Variants in PTK7 observed in about 807,000 individuals in gnomAD.
PTK7 encodes inactive tyrosine-protein kinase 7.
A neutral mutation model predicts 116.6 loss-of-function variants in PTK7; 39 were observed. The observed-to-expected ratio is 0.33, with a 90% CI of 0.26 to 0.44. The LOEUF (loss-of-function observed/expected upper bound fraction) is 0.44, where lower values mean the gene tolerates loss of function less well. Ranked by LOEUF, PTK7 falls within the 20% of genes least tolerant of loss-of-function variation. PTK7 has a pLI of 1.00. For missense variants in PTK7, 1,169 were observed against 1,425.6 expected, an observed-to-expected ratio of 0.82 and a Z score of 2.90; for synonymous variants, 546 against 563.6, an observed-to-expected ratio of 0.97 and a Z score of 0.44.
At chr6:43,157,378 T>TTC (rs1771561944) in intron 17 of PTK7, among the ~76,000 whole-genome samples, 9 of 79,806 alleles carry the variant, frequency 1.1e-4, no homozygotes, top group Non-Finnish European at 1.8e-4. Context: ...TTTTTTTTCT[T>TTC]TTTTTTTTTT....
At chr6:43,084,813 A>C (rs2150371763) in intron 1 of PTK7, among the ~76,000 whole-genome samples, 1 of 152,274 alleles carries the variant, frequency 6.6e-6, no homozygotes, top group African/African-American at 2.4e-5. Flanking sequence ...CAGAGAGGAG[A>C]GAAGACCCTA....
chr6:43,127,535 C>G (rs1380211443), intron 1 of PTK7, among the ~76,000 whole-genome samples: 1 of 152,202 alleles, frequency 6.6e-6, no homozygotes, highest in East Asian at 1.9e-4. Flanking sequence ...TATAATGGTG[C>G]AGGAAGGGGA....
At position 43,131,945 on chromosome 6, in the gene PTK7, G is replaced by T. The variant is rs1377854526; in HGVS notation, c.813-71G>T. ...ACATTTCCGACTTTGCAGGAAAGGG[G>T]TTCCCTTGCATTCCTTTCCAGAACT... On this transcript the variant is annotated intron_variant, in intron 5 of 19. Coordinates refer to ENST00000230419, the MANE Select transcript of PTK7 (RefSeq NM_002821.5). 3 of 1,592,466 alleles carry T rather than the reference G, an allele frequency of 1.9e-6. No homozygotes were observed. In the African/African-American group the frequency reaches 4.0e-5, roughly 21 times the overall value.
chr6:43,128,099 G>A (rs1436946956), intron 1 of PTK7, among the ~76,000 whole-genome samples: 1 of 152,178 alleles, frequency 6.6e-6, no homozygotes, highest in Non-Finnish European at 1.5e-5. Flanking sequence ...CGTCCCATCT[G>A]TGGCCACCTC....
intron 1 of PTK7, among the ~76,000 whole-genome samples, chr6:43,109,146 C>T (rs1196015711): frequency 6.6e-6 from 1 of 152,224 alleles, no homozygotes; most frequent in African/African-American, 2.4e-5. Context: ...CTTACGAATG[C>T]TTAAGTGGTC....
intron 18 of PTK7, among the ~76,000 whole-genome samples, chr6:43,159,414 C>A (rs1771704844): frequency 6.6e-6 from 1 of 152,116 alleles, no homozygotes; most frequent in Non-Finnish European, 1.5e-5. Flanking sequence ...CCAGGTCACC[C>A]CCATTTGTCT....
chr6:43,144,746 C>A (rs1392716122), intron 15 of PTK7, 140 bp downstream of exon 15: 8 of 1,061,862 alleles, frequency 7.5e-6, no homozygotes, highest in Non-Finnish European at 9.2e-6. Flanking sequence ...GAGATCTAGC[C>A]CAGTGTGGCC....
intron 1 of PTK7, among the ~76,000 whole-genome samples, chr6:43,079,147 G>A (rs1297640602): frequency 6.6e-6 from 1 of 152,180 alleles, no homozygotes; most frequent in Non-Finnish European, 1.5e-5. Flanking sequence ...GCAGGGAATT[G>A]GAATAGGACT....
At chr6:43,077,215 G>A (rs550226287) in intron 1 of PTK7, among the ~76,000 whole-genome samples, 5 of 152,350 alleles carry the variant, frequency 3.3e-5, no homozygotes, top group African/African-American at 9.6e-5. Context: ...CCCACTCCGT[G>A]CCAGGGCCGA....
intron 1 of PTK7, among the ~76,000 whole-genome samples, chr6:43,112,862 T>A (rs778336728): frequency 6.6e-6 from 1 of 152,186 alleles, no homozygotes; most frequent in African/African-American, 2.4e-5. Context: ...GGGGTCATGG[T>A]CTGTCACCCA....
chr6:43,103,952 C>T (rs1767723286), intron 1 of PTK7, among the ~76,000 whole-genome samples: 1 of 152,156 alleles, frequency 6.6e-6, no homozygotes, highest in Non-Finnish European at 1.5e-5. Flanking sequence ...ATCTCACTCC[C>T]ATCTGTTTTC....
At chr6:43,135,098 G>A (rs1769948607) in intron 7 of PTK7, among the ~76,000 whole-genome samples, 2 of 152,208 alleles carry the variant, frequency 1.3e-5, no homozygotes, top group Admixed American at 6.5e-5. Context: ...TACTTCATGT[G>A]TGTTCAAGTT....
Position 43,129,710 on chromosome 6 carries a change from C to T in PTK7, c.368-17C>T, listed in dbSNP as rs555656649. ...GCCCTGCTCTGCCCCTCACTGCAAC[C>T]GTGGCCTCTGCTACAGGGATTGAGG... On this transcript the variant is annotated splice_polypyrimidine_tract_variant and intron_variant, in intron 2 of 19. Coordinates refer to ENST00000230419, the MANE Select transcript of PTK7 (RefSeq NM_002821.5). The surrounding 1 kb of genome is among the most constrained non-coding windows in gnomAD (Gnocchi z 4.5). 230 of 1,611,618 alleles carry T rather than the reference C, an allele frequency of 1.4e-4. 3 individuals are homozygous for T. In the South Asian group the frequency reaches 2.2e-3, roughly 15 times the overall value.
At chr6:43,110,032 T>C (rs1227677514) in intron 1 of PTK7, among the ~76,000 whole-genome samples, 1 of 145,720 alleles carries the variant, frequency 6.9e-6, no homozygotes, top group African/African-American at 2.6e-5. Context: ...AGTCTCGCTG[T>C]ATCGCCCAGG....
chr6:43,116,643 T>TGCGCGC (rs1204251670), intron 1 of PTK7, among the ~76,000 whole-genome samples: 1 of 86,924 alleles, frequency 1.2e-5, no homozygotes, highest in African/African-American at 5.0e-5. Flanking sequence ...TGTGTGTGTG[T>TGCGCGC]GTGTGTGTGC....
intron 17 of PTK7, among the ~76,000 whole-genome samples, chr6:43,154,944 G>A (rs1460769075): frequency 1.3e-5 from 2 of 152,218 alleles, no homozygotes; most frequent in African/African-American, 2.4e-5. Flanking sequence ...CTCACCATGG[G>A]CCCCTCAATG....
At position 43,141,702 on chromosome 6, in the gene PTK7, C is replaced by T. The variant is rs143042627; in HGVS notation, c.1653C>T (p.Asn551=). The change falls in exon 11 of 20, where the codon AAC becomes AAT. Residue 551 remains asparagine (N), a synonymous_variant. Coordinates refer to ENST00000230419, the MANE Select transcript of PTK7 (RefSeq NM_002821.5). The surrounding 1 kb of genome is among the most constrained non-coding windows in gnomAD (Gnocchi z 4.9). ...GSSLPEWVTD[N]AGTLHFARVT... is the part of the protein sequence containing the mutation. ...GCCTCCCAGAGTGGGTGACAGACAA[C>T]GCTGGGACCCTGCATTTTGCCCGGG... 8.4e-5 allele frequency: 135 copies of T among 1,614,170 alleles called. No individual in the cohort carries two copies. The Middle Eastern group carries it at 4.0e-3, about 47-fold the overall frequency.
At chr6:43,151,360 C>T (rs1771069566) in intron 17 of PTK7, among the ~76,000 whole-genome samples, 1 of 149,188 alleles carries the variant, frequency 6.7e-6, no homozygotes, top group Non-Finnish European at 1.5e-5. Flanking sequence ...CACAGGCGCC[C>T]ACTACCACGC....
chr6:43,153,054 G>A (rs1451545039), intron 17 of PTK7, among the ~76,000 whole-genome samples: 1 of 151,958 alleles, frequency 6.6e-6, no homozygotes, highest in Non-Finnish European at 1.5e-5. Flanking sequence ...CCAAAGTGCT[G>A]GGATTACAAG....
Sources: allele counts gnomAD v4.1 joint callset (sites outside exome capture counted in the v4.1 genomes callset), GRCh38; gene constraint gnomAD v4.1.1; non-coding constraint Gnocchi (gnomAD v3.1); transcripts MANE v1.5; gene names NCBI Gene and HGNC (gene_info 2026-07-23, HGNC 2026-07-21).